The following CHRNA3 variants were observed in gnomAD, a reference collection of about 807,000 sequenced individuals.
CHRNA3 encodes the protein neuronal acetylcholine receptor subunit alpha-3.
Under a neutral mutation model 41.9 loss-of-function variants are expected in CHRNA3, and 34 were observed. That is an observed-to-expected ratio of 0.81 (90% CI 0.62 to 1.08). CHRNA3 has a LOEUF of 1.08. CHRNA3 is among the 50% of genes least tolerant of loss of function. The pLI, the probability that CHRNA3 is intolerant of heterozygous loss-of-function variation, is 0.00. For missense variants in CHRNA3, 542 were observed against 638.3 expected (o/e 0.85, Z 1.63); for synonymous variants, 281 against 265.2 (o/e 1.06, Z -0.58).
chr15:78,613,705 A>G (rs1010023374), intron 4 of CHRNA3, among the ~76,000 whole-genome samples: 1 of 151,588 alleles, frequency 6.6e-6, no homozygotes, highest in African/African-American at 2.4e-5. Flanking sequence ...ATGTACCCTA[A>G]AACTTAAAGT....
chr15:78,601,518 G>C lies in CHRNA3; in HGVS notation c.1124C>G (p.Ala375Gly). 6.2e-7 allele frequency: 1 copy of C among 1,614,160 alleles called. No homozygotes were observed. The change falls in exon 5 of 6, where the codon GCC (alanine) becomes GGC (glycine). Residue 375 changes from alanine to glycine, a missense_variant. Ala to Gly is a moderately conservative substitution (Grantham distance 60). Transcript: ENST00000326828. ...GAAGCAATTCAGATTTGAGAGCTCG[G>C]CACCGTAGAGGGGCCTCGGCTTCTG... ...NAQKPRPLYGAELSNLNCFSR... is the reference protein window; with the variant it reads ...NAQKPRPLYGGELSNLNCFSR...
chr15:78,617,174 G>C (rs200491106), intron 3 of CHRNA3, 41 bp from the exon 4 acceptor site: 3 of 1,400,378 alleles, frequency 2.1e-6, no homozygotes, highest in East Asian at 2.3e-5. Flanking sequence ...GACGGTAAAA[G>C]AATCAGCCTG....
intron 4 of CHRNA3, among the ~76,000 whole-genome samples, chr15:78,611,098 A>G (rs1055233908): frequency 6.6e-6 from 1 of 152,182 alleles, no homozygotes; most frequent in Non-Finnish European, 1.5e-5. Flanking sequence ...CAACCAAAAA[A>G]AGTCCAGGAC....
chr15:78,614,181 C>CT (rs1334701261), intron 4 of CHRNA3, among the ~76,000 whole-genome samples: 1 of 152,206 alleles, frequency 6.6e-6, no homozygotes, highest in Non-Finnish European at 1.5e-5. Flanking sequence ...AGTACTCCAG[C>CT]TGTTCACTCA....
At chr15:78,620,601 G>C (rs7170068) in intron 1 of CHRNA3, 112 bp downstream of exon 1, 1 of 1,370,496 alleles carries the variant, frequency 7.3e-7, no homozygotes, top group Non-Finnish European at 9.3e-7. Context: ...CCCCGGCGAC[G>C]GCGCCAGCCC....
intron 3 of CHRNA3, among the ~76,000 whole-genome samples, chr15:78,617,557 C>T (rs559594478): frequency 2.0e-5 from 3 of 152,310 alleles, no homozygotes; most frequent in Admixed American, 1.3e-4. Context: ...TTAAGCAAGA[C>T]TGGACTCTGA....
At chr15:78,603,399 G>A (rs1176605930) in intron 4 of CHRNA3, among the ~76,000 whole-genome samples, 1 of 152,180 alleles carries the variant, frequency 6.6e-6, no homozygotes, top group African/African-American at 2.4e-5. Context: ...CTTGCATTGG[G>A]CATTCCATCC....
intron 3 of CHRNA3, 70 bp downstream of exon 3, chr15:78,618,547 C>T (rs2053499743): frequency 6.3e-7 from 1 of 1,584,204 alleles, no homozygotes; most frequent in Middle Eastern, 2.0e-4. Context: ...TTAGGCCTTT[C>T]TTGGTTCACC....
chr15:78,598,684 G>C (rs1319903204), intron 5 of CHRNA3, among the ~76,000 whole-genome samples: 6 of 152,126 alleles, frequency 3.9e-5, no homozygotes, highest in African/African-American at 1.4e-4. Flanking sequence ...GGGATTACAG[G>C]TGCCTAGCAC....
At chr15:78,613,486 C>G (rs988146126) in intron 4 of CHRNA3, among the ~76,000 whole-genome samples, 1 of 146,932 alleles carries the variant, frequency 6.8e-6, no homozygotes, top group African/African-American at 2.5e-5. Context: ...AACCAAACAC[C>G]GCATGTTATC....
rs2053542477 is a variant in CHRNA3 at position 78,620,948 on chromosome 15, G to C, written c.-154C>G. 12 of 1,072,394 alleles carry C rather than the reference G, an allele frequency of 1.1e-5. No homozygotes were observed. Among genetic ancestry groups the C allele is most frequent in the Non-Finnish European group, 1.4e-5 (12 of 846,492 alleles). 66.4% of individuals were successfully genotyped at this position (1,072,394 alleles called of 1,614,324 possible). ...GGCTCCTCTCCGCTTCGCCGCCGCT[G>C]GGTTTCCAGCGCCCTCGGACCCGCG... On this transcript the variant is annotated 5_prime_UTR_variant, in exon 1 of 6. Transcript: ENST00000326828.
chr15:78,612,619 G>A lies in CHRNA3; in HGVS notation c.377+4405C>T, dbSNP rs146898316. 0.013 allele frequency among the ~76,000 whole-genome samples: 1,524 copies of A among 118,446 alleles called. 322 individuals carry two copies. In the East Asian group the frequency reaches 0.3, roughly 23 times the overall value. 77.7% of individuals were successfully genotyped at this position (118,446 alleles called of 152,430 possible). A position where few individuals can be genotyped will look rare whatever the true frequency, so the allele number is the denominator to read the frequency against. On this transcript the variant is annotated intron_variant, in intron 4 of 5. Transcript: ENST00000326828. ...TAGACCTAAAACCATAAAAACCCTC[G>A]AAGAAAACCTAGGCAATACCATTCA...
At chr15:78,606,105 G>C (rs2053282191) in intron 4 of CHRNA3, among the ~76,000 whole-genome samples, 1 of 152,006 alleles carries the variant, frequency 6.6e-6, no homozygotes, top group Non-Finnish European at 1.5e-5. Flanking sequence ...TGGATTACCT[G>C]AAGTCAGGAG....
downstream of CHRNA3, chr15:78,594,605 G>A (rs4887067): frequency 0.24 from 36,682 of 152,310 alleles, 5,800 homozygotes; most frequent in Middle Eastern, 0.4. Context: ...TTGAACCTGG[G>A]AGGTGGAGGC....
chr15:78,608,631 A>C (rs1311151535), intron 4 of CHRNA3, among the ~76,000 whole-genome samples: 4 of 152,246 alleles, frequency 2.6e-5, no homozygotes, highest in Non-Finnish European at 5.9e-5. Context: ...AAGATGGGGA[A>C]AAAACAGAGC....
chr15:78,618,088 A>G (rs1224403992), intron 3 of CHRNA3, among the ~76,000 whole-genome samples: 2 of 152,106 alleles, frequency 1.3e-5, no homozygotes, highest in South Asian at 2.1e-4. Context: ...CTCTATAACA[A>G]ATCCAAAAAT....
intron 4 of CHRNA3, among the ~76,000 whole-genome samples, chr15:78,610,916 A>G (rs2053370233): frequency 6.6e-6 from 1 of 152,258 alleles, no homozygotes; most frequent in South Asian, 2.1e-4. Flanking sequence ...AGAAATACAA[A>G]TTACCATCAG....
chr15:78,618,940 C>A, intron 1 of CHRNA3, 25 bp from the exon 2 acceptor site: 1 of 1,611,022 alleles, frequency 6.2e-7, no homozygotes, highest in Non-Finnish European at 8.5e-7. Flanking sequence ...CCTGTCAGTC[C>A]CTGGGGAAAT....
intron 1 of CHRNA3, 188 bp from the exon 2 acceptor site, chr15:78,619,103 G>C (rs1215908001): frequency 7.7e-6 from 5 of 650,108 alleles, no homozygotes; most frequent in Non-Finnish European, 1.0e-5. Context: ...AGAGGGGCAG[G>C]ATTCTACCTG....
Sources: allele counts gnomAD v4.1 joint callset (sites outside exome capture counted in the v4.1 genomes callset), GRCh38; gene constraint gnomAD v4.1.1; transcripts MANE v1.5; gene names NCBI Gene and HGNC (gene_info 2026-07-23, HGNC 2026-07-21).